TTC28: variants seen among roughly 807,000 people sequenced by gnomAD.
The protein encoded by TTC28 is tetratricopeptide repeat protein 28.
Under a neutral mutation model 198.0 loss-of-function variants are expected in TTC28, and 61 were observed. The ratio of observed to expected loss-of-function variants is 0.31; its 90% CI spans 0.25 to 0.38. The LOEUF (loss-of-function observed/expected upper bound fraction) is 0.38, where lower values mean the gene tolerates loss of function less well. TTC28 is among the 10% of genes least tolerant of loss of function. The probability of loss-of-function intolerance (pLI) is 1.00; values close to 1 mark genes in which losing one functional copy is unlikely to be tolerated. For synonymous variants in TTC28, 1,171 were observed against 1,297.8 expected, an observed-to-expected ratio of 0.90 and a Z score of 2.10; for missense variants, 2,678 against 3,164.0, an observed-to-expected ratio of 0.85 and a Z score of 3.69.
chr22:28,517,091 G>A (rs1302206197), intron 2 of TTC28, among the ~76,000 whole-genome samples: 1 of 152,126 alleles, frequency 6.6e-6, no homozygotes, highest in Non-Finnish European at 1.5e-5. Context: ...CAAACCAAGT[G>A]TTTCCAAATC....
At chr22:28,239,915 T>C (rs1432959391) in intron 5 of TTC28, among the ~76,000 whole-genome samples, 2 of 152,218 alleles carry the variant, frequency 1.3e-5, no homozygotes, top group East Asian at 1.9e-4. Flanking sequence ...TCATCTCTCA[T>C]TGCTTCTAGA....
Position 28,324,434 on chromosome 22 carries a change from A to G in TTC28, c.382-17791T>C, listed in dbSNP as rs1419128854. On this transcript the variant is annotated intron_variant, in intron 2 of 22. Transcript: ENST00000397906. Reference sequence around the variant, plus strand: ...CCAAAACCTGGGAGAGACACAAAAAAAAAAAAGAAAATTTCAGGCCAATAA... The same window carrying G: ...CCAAAACCTGGGAGAGACACAAAAAGAAAAAAGAAAATTTCAGGCCAATAA... Among the ~76,000 whole-genome samples, 4 of 152,164 alleles carry G rather than the reference A, an allele frequency of 2.6e-5. No individual in the cohort carries two copies. The East Asian group carries it at 5.8e-4, about 22-fold the overall frequency.
At chr22:28,492,476 A>G (rs1288146496) in intron 2 of TTC28, among the ~76,000 whole-genome samples, 1 of 152,176 alleles carries the variant, frequency 6.6e-6, no homozygotes, top group Admixed American at 6.6e-5. Flanking sequence ...ATAAAATGAG[A>G]TATTTTATTT....
At chr22:28,272,964 C>T (rs1045588473) in intron 5 of TTC28, among the ~76,000 whole-genome samples, 2 of 152,308 alleles carry the variant, frequency 1.3e-5, no homozygotes, top group East Asian at 3.9e-4. Flanking sequence ...TATTGACCTT[C>T]GCATGGCACT....
At chr22:28,488,323 A>C (rs1003393637) in intron 2 of TTC28, among the ~76,000 whole-genome samples, 1 of 152,162 alleles carries the variant, frequency 6.6e-6, no homozygotes, top group Non-Finnish European at 1.5e-5. Context: ...GCTGGAATGG[A>C]CTTTTAAGGG....
intron 5 of TTC28, among the ~76,000 whole-genome samples, chr22:28,185,992 C>T (rs1924157989): frequency 6.6e-6 from 1 of 152,174 alleles, no homozygotes; most frequent in Non-Finnish European, 1.5e-5. Context: ...GCAAGGACAT[C>T]TTCTCTAAAA....
At chr22:28,511,273 G>A (rs555768571) in intron 2 of TTC28, among the ~76,000 whole-genome samples, 11 of 152,278 alleles carry the variant, frequency 7.2e-5, no homozygotes, top group African/African-American at 2.6e-4. Context: ...CAAGGCTACA[G>A]TAACTAAAAC....
intron 2 of TTC28, among the ~76,000 whole-genome samples, chr22:28,365,897 G>T (rs2046239239): frequency 6.6e-6 from 1 of 152,134 alleles, no homozygotes; most frequent in Non-Finnish European, 1.5e-5. Context: ...AAAAAATGAT[G>T]TGCAAAAAGA....
chr22:28,244,413 T>C (rs1259857107), intron 5 of TTC28, among the ~76,000 whole-genome samples: 1 of 152,160 alleles, frequency 6.6e-6, no homozygotes, highest in Non-Finnish European at 1.5e-5. Flanking sequence ...AATAATTTAC[T>C]GAGAAATAAT....
chr22:28,164,527 C>G (rs1248225384), intron 5 of TTC28, among the ~76,000 whole-genome samples: 2 of 152,220 alleles, frequency 1.3e-5, no homozygotes, highest in Non-Finnish European at 2.9e-5. Context: ...GATACCCAGG[C>G]AAACAGGGTC....
intron 21 of TTC28, among the ~76,000 whole-genome samples, chr22:27,986,603 T>G (rs1195522833): frequency 6.6e-6 from 1 of 152,140 alleles, no homozygotes; most frequent in African/African-American, 2.4e-5. Flanking sequence ...CACCCTCTCC[T>G]CTGACCTCAC....
At chr22:28,568,082 G>A (rs915872064) in intron 2 of TTC28, among the ~76,000 whole-genome samples, 1 of 152,030 alleles carries the variant, frequency 6.6e-6, no homozygotes, top group East Asian at 1.9e-4. Flanking sequence ...AAGTTATCAT[G>A]GTATACCAAA....
chr22:28,080,952 C>T (rs1373778347), intron 12 of TTC28, among the ~76,000 whole-genome samples: 2 of 152,002 alleles, frequency 1.3e-5, no homozygotes, highest in Non-Finnish European at 2.9e-5. Flanking sequence ...TGTTCTCTCC[C>T]CATTGTGTTG....
intron 5 of TTC28, among the ~76,000 whole-genome samples, chr22:28,226,589 G>A (rs1316848152): frequency 1.3e-5 from 2 of 152,060 alleles, no homozygotes; most frequent in East Asian, 3.9e-4. Flanking sequence ...ACCACACTTG[G>A]CTAATTTGTG....
intron 12 of TTC28, among the ~76,000 whole-genome samples, chr22:28,074,767 A>T (rs528934971): frequency 6.6e-6 from 1 of 152,318 alleles, no homozygotes; most frequent in African/African-American, 2.4e-5. Flanking sequence ...GTACAATGGG[A>T]TAACTCACAC....
rs138757012 is a variant in TTC28, at chr22:28,532,915, A to T, written c.381+96637T>A. Among the ~76,000 whole-genome samples the T allele has an allele frequency of 2.7e-3, 406 of 152,340 alleles. 1 individual carries two copies. Among genetic ancestry groups the T allele is most frequent in the African/African-American group, 9.2e-3 (384 of 41,570 alleles). On this transcript the variant is annotated intron_variant, in intron 2 of 22. Coordinates refer to ENST00000397906, the MANE Select transcript of TTC28 (RefSeq NM_001145418.2). The stretch of plus-strand genomic sequence containing the variant: ...TATTGATGGGACGTATCTCAAAATC[A>T]TAAGAGCTATTTATGACAACCCACA...
At chr22:28,194,302 T>C (rs1409349798) in intron 5 of TTC28, among the ~76,000 whole-genome samples, 2 of 152,182 alleles carry the variant, frequency 1.3e-5, no homozygotes, top group African/African-American at 4.8e-5. Flanking sequence ...GGGAAATTTA[T>C]AGCACTAAAT....
At chr22:28,212,369 G>C (rs111938686) in intron 5 of TTC28, among the ~76,000 whole-genome samples, 2 of 149,110 alleles carry the variant, frequency 1.3e-5, no homozygotes, top group Admixed American at 1.4e-4. Flanking sequence ...ACAAAATTGA[G>C]AGACCGCTAG....
chr22:28,182,620 A>G (rs1686574398), intron 5 of TTC28, among the ~76,000 whole-genome samples: 1 of 152,142 alleles, frequency 6.6e-6, no homozygotes, highest in South Asian at 2.1e-4. Context: ...CCATGAAAGA[A>G]TATCATTACA....
Sources: gnomAD v4.1 joint callset for allele counts (sites outside exome capture counted in the v4.1 genomes callset) on GRCh38, gnomAD v4.1.1 for gene constraint, MANE v1.5 for transcripts, NCBI Gene and HGNC (gene_info 2026-07-23, HGNC 2026-07-21) for gene names.